APAF1: variants seen among roughly 807,000 people sequenced by gnomAD.
The protein encoded by APAF1 is apoptotic peptidase activating factor 1.
A neutral mutation model predicts 152.4 loss-of-function variants in APAF1; 91 were observed. That is an observed-to-expected ratio of 0.60 (90% confidence interval 0.50 to 0.71). APAF1 has a LOEUF of 0.71. Among genes scored for constraint, APAF1 ranks in the 30% least tolerant of loss-of-function variants. The pLI is 0.00. For missense variants in APAF1, 1,283 were observed against 1,472.0 expected, an observed-to-expected ratio of 0.87 and a Z score of 2.10; for synonymous variants, 484 against 494.1, an observed-to-expected ratio of 0.98 and a Z score of 0.27.
intron 16 of APAF1, among the ~76,000 whole-genome samples, chr12:98,694,079 A>G (rs1430634275): frequency 6.6e-6 from 1 of 152,216 alleles, no homozygotes; most frequent in Non-Finnish European, 1.5e-5. Context: ...AGCCATATGC[A>G]GAAGAATGAA....
chr12:98,657,385 T>G (rs1042830026), intron 4 of APAF1, among the ~76,000 whole-genome samples: 1 of 152,182 alleles, frequency 6.6e-6, no homozygotes, highest in Admixed American at 6.5e-5. Flanking sequence ...AAACCGATTT[T>G]TTTCTCTATG....
In APAF1 at chr12:98,703,418, C is replaced by A. The variant is rs767521865; in HGVS notation, c.2514C>A (p.Gly838=). The part of the protein sequence containing the change: ...TSGLLGEIHT[G]HHSTIQYCDF... ...GCCTATTGGGAGAAATCCACACGGG[C>A]CATCACAGCACCATCCAGTACTGTG... Residue 838 remains glycine (G), a synonymous_variant, in exon 18 of 27, where the codon GGC becomes GGA. Transcript: ENST00000551964. 1 of 1,613,972 alleles carries A rather than the reference C, an allele frequency of 6.2e-7. No individual in the cohort carries two copies. The highest frequency in any genetic ancestry group is 1.3e-5 in the African/African-American group (1 of 74,910).
At chr12:98,715,251 T>TGC (rs1443745864) in intron 21 of APAF1, among the ~76,000 whole-genome samples, 176 bp from the exon 22 acceptor site, 1 of 84,192 alleles carries the variant, frequency 1.2e-5, no homozygotes, top group African/African-American at 4.1e-5. Context: ...TATATATATA[T>TGC]ATATATATAT....
intron 20 of APAF1, among the ~76,000 whole-genome samples, chr12:98,711,039 C>G (rs142070777): frequency 6.6e-6 from 1 of 152,136 alleles, no homozygotes; most frequent in Non-Finnish European, 1.5e-5. Context: ...CTGAATATGG[C>G]TTGCTTTGAT....
intron 16 of APAF1, among the ~76,000 whole-genome samples, chr12:98,691,567 G>T (rs1593073148): frequency 1.3e-5 from 2 of 152,216 alleles, no homozygotes. Context: ...TTCCCTTGAA[G>T]AATGTAAAAA....
In APAF1 at chr12:98,732,996, T is replaced by G. The variant is rs546217051; in HGVS notation, c.*430T>G. 5.4e-6 allele frequency: 1 copy of G among 184,674 alleles called. No individual in the cohort carries two copies. Among genetic ancestry groups the G allele is most frequent in the East Asian group, 1.6e-4 (1 of 6,246 alleles). 11.4% of individuals were successfully genotyped at this position (184,674 alleles called of 1,614,324 possible). A position where few individuals can be genotyped will look rare whatever the true frequency, so the allele number is the denominator to read the frequency against. On this transcript the variant is annotated 3_prime_UTR_variant, in exon 27 of 27. Coordinates refer to ENST00000551964, the MANE Select transcript of APAF1 (RefSeq NM_181861.2). ...TGAACCACACTTACCCCAAGGGGGT[T>G]TTGTTCTCCTAAATACAATCTTAGA...
At position 98,735,183 on chromosome 12, in the gene APAF1, G is replaced by A. The variant is rs1440884193; in HGVS notation, c.*2617G>A. ...TGGCAGTTCATGCAGTCGGTCAAGA[G>A]GAGGATTTTGTTTTGTAGTTTGCAG... On this transcript the variant is annotated 3_prime_UTR_variant, in exon 27 of 27. Coordinates refer to ENST00000551964, the MANE Select transcript of APAF1 (RefSeq NM_181861.2). 2.5e-6 allele frequency: 1 copy of A among 398,798 alleles called. No individual in the cohort carries two copies. Among genetic ancestry groups the A allele is most frequent in the African/African-American group, 2.1e-5 (1 of 48,638 alleles). 24.7% of individuals were successfully genotyped at this position (398,798 alleles called of 1,614,324 possible).
intron 14 of APAF1, 56 bp from the exon 15 acceptor site, chr12:98,683,087 C>G: frequency 7.0e-7 from 1 of 1,428,902 alleles, no homozygotes; most frequent in East Asian, 2.4e-5. Flanking sequence ...CTTTGCCCCT[C>G]TGTTCTCCCT....
intron 22 of APAF1, among the ~76,000 whole-genome samples, chr12:98,721,705 T>A (rs1354280713): frequency 6.6e-6 from 1 of 152,206 alleles, no homozygotes; most frequent in Non-Finnish European, 1.5e-5. Flanking sequence ...ATGCTCCTGA[T>A]ATCCTGCTTC....
intron 21 of APAF1, among the ~76,000 whole-genome samples, chr12:98,714,113 T>C (rs2097731254): frequency 6.6e-6 from 1 of 152,218 alleles, no homozygotes; most frequent in Admixed American, 6.5e-5. Flanking sequence ...CTGTTGTGTA[T>C]TATTATTTAT....
chr12:98,691,068 G>A (rs986423195), intron 16 of APAF1, among the ~76,000 whole-genome samples: 7 of 152,104 alleles, frequency 4.6e-5, no homozygotes, highest in Non-Finnish European at 8.8e-5. Context: ...TTAGCTGGGC[G>A]TGGTGGCGCA....
At chr12:98,732,368 G>A in intron 26 of APAF1, 52 bp from the exon 27 acceptor site, 6 of 1,535,292 alleles carry the variant, frequency 3.9e-6, no homozygotes, top group Non-Finnish European at 5.4e-6. Flanking sequence ...ACTATAAATT[G>A]TCACACAGTG....
intron 21 of APAF1, 145 bp from the exon 22 acceptor site, chr12:98,715,282 G>C (rs1192366293): frequency 2.0e-5 from 5 of 244,952 alleles, no homozygotes; most frequent in African/African-American, 3.8e-5. Context: ...ATATATATAT[G>C]ACATTCATTT....
rs1003188046 is a variant in APAF1 at position 98,735,305 on chromosome 12, C to T, written c.*2739C>T. The T allele has an allele frequency of 2.7e-5, 11 of 402,360 alleles. No homozygotes were observed. The highest frequency in any genetic ancestry group is 2.1e-4 in the African/African-American group (10 of 48,512). 24.9% of individuals were successfully genotyped at this position (402,360 alleles called of 1,614,324 possible). On this transcript the variant is annotated 3_prime_UTR_variant, in exon 27 of 27. Transcript: ENST00000551964. Reference sequence around the variant, plus strand: ...TAATTTTTTTTTACATTATATGTCTCTTGTATGTTTTGAAACTCTTGTATT... The same window carrying T: ...TAATTTTTTTTTACATTATATGTCTTTTGTATGTTTTGAAACTCTTGTATT...
chr12:98,703,016 T>C (rs2097717310), intron 17 of APAF1, among the ~76,000 whole-genome samples: 1 of 152,200 alleles, frequency 6.6e-6, no homozygotes, highest in Non-Finnish European at 1.5e-5. Context: ...TTTGATCATC[T>C]TCATTTATGA....
At chr12:98,661,201 C>T (rs919585458) in intron 5 of APAF1, among the ~76,000 whole-genome samples, 3 of 152,018 alleles carry the variant, frequency 2.0e-5, no homozygotes, top group Admixed American at 1.3e-4. Flanking sequence ...GCGCTCGGCC[C>T]CTCCTTCTCT....
intron 26 of APAF1, 74 bp from the exon 27 acceptor site, chr12:98,732,346 G>T: frequency 7.3e-7 from 1 of 1,363,696 alleles, no homozygotes; most frequent in Non-Finnish European, 1.0e-6. Context: ...ATAGGGTAAA[G>T]GATCTGCTGG....
At chr12:98,650,627 G>A (rs1451798095) in intron 4 of APAF1, among the ~76,000 whole-genome samples, 1 of 151,932 alleles carries the variant, frequency 6.6e-6, no homozygotes, top group Non-Finnish European at 1.5e-5. Context: ...ATATCTATGT[G>A]TACACATGGC....
chr12:98,732,556 C>A lies in APAF1; in HGVS notation c.3737C>A (p.Thr1246Asn). 6.4e-7 allele frequency: 1 copy of A among 1,563,438 alleles called. No individual in the cohort carries two copies. The highest frequency in any genetic ancestry group is 8.8e-7 in the Non-Finnish European group (1 of 1,135,080). The change falls in exon 27 of 27, where the codon ACT becomes AAT. Residue 1246 changes from threonine to asparagine, a missense_variant. Transcript: ENST00000551964. ...DNLGILYILQTLE is the reference protein window; with the variant it reads ...DNLGILYILQNLE ...CTTGGTATTTTATATATTTTACAGA[C>A]TTTAGAATAAAATAGTTAAGCATTA...
Sources: allele counts gnomAD v4.1 joint callset (sites outside exome capture counted in the v4.1 genomes callset), GRCh38; gene constraint gnomAD v4.1.1; transcripts MANE v1.5; gene names NCBI Gene and HGNC (gene_info 2026-07-23, HGNC 2026-07-21).